CDH12: variants seen among roughly 807,000 people sequenced by gnomAD.
CDH12 encodes cadherin-12.
Under a neutral mutation model 74.1 loss-of-function variants are expected in CDH12, and 41 were observed. The ratio of observed to expected loss-of-function variants is 0.55; its 90% CI spans 0.43 to 0.72. CDH12 has a LOEUF of 0.72. Ranked by LOEUF, CDH12 falls within the 30% of genes least tolerant of loss-of-function variation. CDH12 has a pLI of 0.00. For missense variants in CDH12, 945 were observed against 977.2 expected, an observed-to-expected ratio of 0.97 and a Z score of 0.44; for synonymous variants, 399 against 355.0, an observed-to-expected ratio of 1.12 and a Z score of -1.39.
At chr5:22,016,677 T>G (rs778984772) in intron 5 of CDH12, among the ~76,000 whole-genome samples, 10 of 152,046 alleles carry the variant, frequency 6.6e-5, no homozygotes, top group Non-Finnish European at 1.0e-4. Context: ...TGAGCCACCA[T>G]GCCCGGCCTT....
chr5:22,548,804 G>T (rs1435727476), intron 1 of CDH12, among the ~76,000 whole-genome samples: 1 of 151,952 alleles, frequency 6.6e-6, no homozygotes, highest in Non-Finnish European at 1.5e-5. Flanking sequence ...TCTCACGGTG[G>T]CTATTAGTTT....
chr5:22,757,899 G>T (rs893917011), intron 1 of CDH12, among the ~76,000 whole-genome samples: 4 of 152,170 alleles, frequency 2.6e-5, no homozygotes, highest in African/African-American at 7.2e-5. Context: ...CTAAGGTATG[G>T]ATTCCCACCT....
chr5:22,803,003 G>A (rs1748614444), intron 1 of CDH12, among the ~76,000 whole-genome samples: 1 of 152,062 alleles, frequency 6.6e-6, no homozygotes, highest in African/African-American at 2.4e-5. Flanking sequence ...ACTTAACCAA[G>A]CCTCTAGGTT....
intron 3 of CDH12, among the ~76,000 whole-genome samples, chr5:22,387,436 T>C (rs1742046794): frequency 6.6e-6 from 1 of 152,206 alleles, no homozygotes; most frequent in Non-Finnish European, 1.5e-5. Context: ...TTACTCCTGG[T>C]GTCTTTTAGA....
intron 6 of CDH12, among the ~76,000 whole-genome samples, chr5:21,928,995 C>T (rs1754715841): frequency 6.6e-6 from 1 of 151,952 alleles, no homozygotes; most frequent in African/African-American, 2.4e-5. Context: ...TACAAGACCA[C>T]CCAGAATTCA....
chr5:22,796,387 T>C (rs1748210453), intron 1 of CDH12, among the ~76,000 whole-genome samples: 3 of 152,092 alleles, frequency 2.0e-5, no homozygotes, highest in Admixed American at 2.0e-4. Context: ...CTAATTGGAG[T>C]AAGGTGGTAT....
chr5:22,638,185 G>A (rs1429291603), intron 1 of CDH12, among the ~76,000 whole-genome samples: 1 of 152,176 alleles, frequency 6.6e-6, no homozygotes, highest in Non-Finnish European at 1.5e-5. Flanking sequence ...ATGAACTGGA[G>A]TTAATTAAGG....
At chr5:22,251,225 T>C (rs551417242) in intron 3 of CDH12, among the ~76,000 whole-genome samples, 15 of 152,228 alleles carry the variant, frequency 9.9e-5, no homozygotes, top group African/African-American at 3.1e-4. Context: ...TGGAGTCACA[T>C]TGGAAGGGCA....
intron 1 of CDH12, among the ~76,000 whole-genome samples, chr5:22,620,514 G>A (rs1370377880): frequency 6.6e-6 from 1 of 151,510 alleles, no homozygotes; most frequent in African/African-American, 2.4e-5. Context: ...CTGACCAATT[G>A]TTTGAGCAAA....
At chr5:22,715,867 T>A (rs1482836157) in intron 1 of CDH12, among the ~76,000 whole-genome samples, 1 of 151,752 alleles carries the variant, frequency 6.6e-6, no homozygotes. Flanking sequence ...CTAAGCACGT[T>A]GGGTTACGCC....
intron 1 of CDH12, among the ~76,000 whole-genome samples, chr5:22,556,120 CAT>C (rs1270157045): frequency 6.6e-6 from 1 of 151,468 alleles, no homozygotes; most frequent in Non-Finnish European, 1.5e-5. Flanking sequence ...TAAATTTTAA[CAT>C]GTGCTTTAAA....
intron 8 of CDH12, among the ~76,000 whole-genome samples, chr5:21,835,204 G>A (rs1749462321): frequency 6.6e-6 from 1 of 151,634 alleles, no homozygotes; most frequent in Non-Finnish European, 1.5e-5. Context: ...TGCCTTCTCT[G>A]GACTCAAATA....
At chr5:22,432,532 T>C (rs1744214437) in intron 2 of CDH12, among the ~76,000 whole-genome samples, 1 of 151,776 alleles carries the variant, frequency 6.6e-6, no homozygotes, top group Admixed American at 6.6e-5. Context: ...TATACACATA[T>C]ACACATATGT....
At chr5:22,142,682 C>A (rs1458035732) in intron 4 of CDH12, 2 of 351,668 alleles carry the variant, frequency 5.7e-6, no homozygotes, top group Non-Finnish European at 1.1e-5. Context: ...TCAAATAAGA[C>A]CATGGCTCAA....
intron 7 of CDH12, among the ~76,000 whole-genome samples, chr5:21,844,293 G>A (rs1301007796): frequency 6.6e-6 from 1 of 151,900 alleles, no homozygotes; most frequent in African/African-American, 2.4e-5. Flanking sequence ...AAATTGCAAT[G>A]TTTAAAGATT....
intron 1 of CDH12, among the ~76,000 whole-genome samples, chr5:22,744,201 G>C (rs1393014608): frequency 6.6e-6 from 1 of 152,054 alleles, no homozygotes; most frequent in African/African-American, 2.4e-5. Flanking sequence ...AGGCCGAGAC[G>C]GGCGGATCAC....
chr5:22,235,052 C>T (rs529160844), intron 3 of CDH12, among the ~76,000 whole-genome samples: 14 of 152,076 alleles, frequency 9.2e-5, no homozygotes, highest in East Asian at 1.9e-4. Context: ...GTTTGACTAT[C>T]GTAAAGAAAT....
chr5:22,103,394 A>G (rs997087151), intron 4 of CDH12, among the ~76,000 whole-genome samples: 10 of 152,186 alleles, frequency 6.6e-5, no homozygotes, highest in Admixed American at 1.3e-4. Flanking sequence ...TGATAGAGGA[A>G]AAGATCTTAG....
intron 2 of CDH12, among the ~76,000 whole-genome samples, chr5:22,444,883 T>C (rs1309900288): frequency 5.9e-5 from 9 of 152,170 alleles, no homozygotes; most frequent in Non-Finnish European, 1.3e-4. Context: ...AAAACGATAT[T>C]ATGCTTCTTG....
Sources: gnomAD v4.1 joint callset for allele counts (sites outside exome capture counted in the v4.1 genomes callset) on GRCh38, gnomAD v4.1.1 for gene constraint, MANE v1.5 for transcripts, NCBI Gene and HGNC (gene_info 2026-07-23, HGNC 2026-07-21) for gene names.